The following DMRT1 variants were observed in gnomAD, a reference collection of about 807,000 sequenced individuals.
The protein encoded by DMRT1 is doublesex- and mab-3-related transcription factor 1.
Under a neutral mutation model 32.3 loss-of-function variants are expected in DMRT1, and 7 were observed. The ratio of observed to expected loss-of-function variants is 0.22; its 90% confidence interval spans 0.12 to 0.41. The LOEUF (loss-of-function observed/expected upper bound fraction) is 0.41. Among genes scored for constraint, DMRT1 ranks in the 10% least tolerant of loss-of-function variants. The pLI is 1.00. For missense variants in DMRT1, 625 were observed against 500.5 expected, an observed-to-expected ratio of 1.25 and a Z score of -2.37; for synonymous variants, 278 against 206.1, an observed-to-expected ratio of 1.35 and a Z score of -2.99.
At chr9:890,592 C>T (rs900220027) in intron 2 of DMRT1, among the ~76,000 whole-genome samples, 4 of 152,128 alleles carry the variant, frequency 2.6e-5, no homozygotes, top group African/African-American at 9.7e-5. Flanking sequence ...TTTTTGTTTT[C>T]CCACACACTC....
intron 2 of DMRT1, among the ~76,000 whole-genome samples, chr9:876,390 G>T (rs1310070678): frequency 1.3e-5 from 2 of 152,122 alleles, no homozygotes; most frequent in Non-Finnish European, 2.9e-5. Flanking sequence ...AGGGGAAAAG[G>T]CCTAGACCAT....
chr9:941,551 G>A (rs1819072497), intron 4 of DMRT1, among the ~76,000 whole-genome samples: 1 of 152,112 alleles, frequency 6.6e-6, no homozygotes, highest in Non-Finnish European at 1.5e-5. Flanking sequence ...AGAATGGAGA[G>A]TTATCGTTTT....
At chr9:907,781 C>T (rs1482490324) in intron 3 of DMRT1, among the ~76,000 whole-genome samples, 1 of 151,746 alleles carries the variant, frequency 6.6e-6, no homozygotes, top group African/African-American at 2.4e-5. Context: ...CTGTTCTGTT[C>T]TATTCTATTG....
chr9:944,828 C>G (rs986717346), intron 4 of DMRT1, among the ~76,000 whole-genome samples: 4 of 152,030 alleles, frequency 2.6e-5, no homozygotes, highest in Admixed American at 1.3e-4. Context: ...TATGGTGTTT[C>G]AAACATAGGC....
chr9:916,732 C>G (rs1818195582), intron 3 of DMRT1, 31 bp from the exon 4 acceptor site: 6 of 1,612,740 alleles, frequency 3.7e-6, no homozygotes, highest in South Asian at 1.1e-5. Context: ...CAATGTTGAT[C>G]TCAGTATATT....
intron 4 of DMRT1, among the ~76,000 whole-genome samples, chr9:952,512 G>T (rs915273317): frequency 6.6e-6 from 1 of 152,160 alleles, no homozygotes; most frequent in Non-Finnish European, 1.5e-5. Flanking sequence ...GGAAGCTTGC[G>T]CCTAACAGTG....
intron 4 of DMRT1, among the ~76,000 whole-genome samples, 200 bp from the exon 5 acceptor site, chr9:967,785 T>C (rs978941687): frequency 6.6e-6 from 1 of 152,260 alleles, no homozygotes; most frequent in African/African-American, 2.4e-5. Context: ...GTATACTGTG[T>C]AGAATACTAT....
intron 3 of DMRT1, among the ~76,000 whole-genome samples, chr9:908,022 A>T (rs1817840676): frequency 6.6e-6 from 1 of 152,240 alleles, no homozygotes; most frequent in African/African-American, 2.4e-5. Context: ...CAAGTTAAAA[A>T]AATAATTTGG....
intron 4 of DMRT1, among the ~76,000 whole-genome samples, chr9:966,685 T>A (rs279896): frequency 0.64 from 96,967 of 152,170 alleles, 31,900 homozygotes; most frequent in Middle Eastern, 0.76. Context: ...TCTGTGTGGT[T>A]CCACTAGCTG....
intron 3 of DMRT1, among the ~76,000 whole-genome samples, chr9:906,013 C>T (rs916268564): frequency 8.2e-5 from 10 of 121,540 alleles, no homozygotes; most frequent in Admixed American, 6.1e-4. Context: ...TCTCAAGATG[C>T]TTCTGTGACA....
intron 4 of DMRT1, among the ~76,000 whole-genome samples, chr9:962,305 A>G (rs72701068): frequency 0.073 from 11,041 of 152,142 alleles, 535 homozygotes; most frequent in South Asian, 0.19. Context: ...TTTGGGGGCA[A>G]GGGAGCAGTC....
chr9:961,548 G>A (rs1819773506), intron 4 of DMRT1, among the ~76,000 whole-genome samples: 3 of 152,286 alleles, frequency 2.0e-5, no homozygotes, highest in African/African-American at 7.2e-5. Context: ...TTGATTTGAT[G>A]CCAGCCATCT....
intron 2 of DMRT1, among the ~76,000 whole-genome samples, chr9:864,851 G>A (rs1402495568): frequency 7.4e-6 from 1 of 135,408 alleles, no homozygotes; most frequent in East Asian, 2.2e-4. Flanking sequence ...CTATGAGTAG[G>A]TCTCAAGTTT....
At chr9:875,203 C>G (rs572131643) in intron 2 of DMRT1, among the ~76,000 whole-genome samples, 38 of 152,218 alleles carry the variant, frequency 2.5e-4, no homozygotes, top group African/African-American at 8.7e-4. Flanking sequence ...AAAAACATGT[C>G]TTTATTCTCT....
At chr9:843,576 T>C (rs561007218) in intron 1 of DMRT1, among the ~76,000 whole-genome samples, 2 of 152,362 alleles carry the variant, frequency 1.3e-5, no homozygotes, top group Admixed American at 6.5e-5. Context: ...AGGCTGGTAA[T>C]TTAACATTTT....
intron 2 of DMRT1, among the ~76,000 whole-genome samples, chr9:884,791 G>A (rs4740957): frequency 0.026 from 3,938 of 152,186 alleles, 202 homozygotes; most frequent in East Asian, 0.14. Flanking sequence ...CCAACATGGT[G>A]AAACCCCGTC....
At chr9:939,997 A>C (rs1195692037) in intron 4 of DMRT1, among the ~76,000 whole-genome samples, 1 of 152,184 alleles carries the variant, frequency 6.6e-6, no homozygotes, top group Non-Finnish European at 1.5e-5. Context: ...AACGCAAATC[A>C]AACTCATGAT....
At position 926,390 on chromosome 9, in the gene DMRT1, C is replaced by G. The variant is rs1485698922; in HGVS notation, c.967+9483C>G. 2.0e-5 allele frequency among the ~76,000 whole-genome samples: 3 copies of G among 152,164 alleles called. 1 individual carries two copies. Among genetic ancestry groups the G allele is most frequent in the African/African-American group, 7.2e-5 (3 of 41,434 alleles). On this transcript the variant is annotated intron_variant, in intron 4 of 4. Coordinates refer to ENST00000382276, the MANE Select transcript of DMRT1 (RefSeq NM_021951.3). Reference sequence around the variant, plus strand: ...TCATAAGTGCAAATAGAAACACAATCAGCTACTTTCAAAAATATTTATTCT... The same window carrying G: ...TCATAAGTGCAAATAGAAACACAATGAGCTACTTTCAAAAATATTTATTCT...
intron 2 of DMRT1, among the ~76,000 whole-genome samples, chr9:863,770 G>A (rs1028281295): frequency 1.3e-5 from 2 of 152,136 alleles, no homozygotes; most frequent in African/African-American, 2.4e-5. Context: ...TAATGCAACT[G>A]GTATAGTTTA....
Sources: allele counts gnomAD v4.1 joint callset (sites outside exome capture counted in the v4.1 genomes callset), GRCh38; gene constraint gnomAD v4.1.1; transcripts MANE v1.5; gene names NCBI Gene and HGNC (gene_info 2026-07-23, HGNC 2026-07-21).